Variants in ROBO1 observed in about 807,000 individuals in gnomAD.
ROBO1 encodes the protein roundabout guidance receptor 1.
Under a neutral mutation model 195.9 loss-of-function variants are expected in ROBO1, and 149 were observed. The observed-to-expected ratio is 0.76, with a 90% CI of 0.67 to 0.87. The LOEUF is 0.87. Ranked by LOEUF, ROBO1 falls within the 40% of genes least tolerant of loss-of-function variation. The probability of loss-of-function intolerance (pLI) is 0.00; values close to 1 mark genes in which losing one functional copy is unlikely to be tolerated. For synonymous variants in ROBO1, 816 were observed against 733.2 expected, an observed-to-expected ratio of 1.11 and a Z score of -1.82; for missense variants, 1,933 against 2,068.3, an observed-to-expected ratio of 0.93 and a Z score of 1.27.
At chr3:79,052,695 G>A (rs2078725332) in intron 3 of ROBO1, among the ~76,000 whole-genome samples, 1 of 152,024 alleles carries the variant, frequency 6.6e-6, no homozygotes, top group Admixed American at 6.6e-5. Context: ...AACACTTAGG[G>A]AAAATAGAAA....
chr3:79,280,303 A>T (rs925356228), intron 2 of ROBO1, among the ~76,000 whole-genome samples: 6 of 152,198 alleles, frequency 3.9e-5, no homozygotes, highest in Non-Finnish European at 8.8e-5. Context: ...TTTGATCACT[A>T]TACATTATAT....
intron 3 of ROBO1, among the ~76,000 whole-genome samples, chr3:79,101,612 G>C (rs1414571802): frequency 6.6e-6 from 1 of 151,720 alleles, no homozygotes. Flanking sequence ...TTTTACTCTT[G>C]GCAGAGCTCT....
At chr3:78,926,366 G>C (rs988126944) in intron 4 of ROBO1, among the ~76,000 whole-genome samples, 2 of 152,102 alleles carry the variant, frequency 1.3e-5, no homozygotes, top group African/African-American at 4.8e-5. Context: ...AGAAATAATG[G>C]TGATTCTGAT....
chr3:79,599,519 C>T (rs1944277067), intron 1 of ROBO1, among the ~76,000 whole-genome samples: 1 of 151,850 alleles, frequency 6.6e-6, no homozygotes, highest in Non-Finnish European at 1.5e-5. Flanking sequence ...ATCCACAGGG[C>T]ATGATGAAGA....
At chr3:79,199,604 ATT>A (rs113303436) in intron 2 of ROBO1, among the ~76,000 whole-genome samples, 3 of 148,148 alleles carry the variant, frequency 2.0e-5, no homozygotes, top group African/African-American at 7.4e-5. Context: ...CCCAATTACC[ATT>A]TTTTTTTTGT....
At chr3:78,974,349 A>G (rs542533433) in intron 3 of ROBO1, among the ~76,000 whole-genome samples, 1 of 152,172 alleles carries the variant, frequency 6.6e-6, no homozygotes, top group African/African-American at 2.4e-5. Flanking sequence ...GAAGAAGAAA[A>G]AAAAGGACAC....
At chr3:79,064,283 A>G (rs2078969395) in intron 3 of ROBO1, among the ~76,000 whole-genome samples, 1 of 151,930 alleles carries the variant, frequency 6.6e-6, no homozygotes, top group African/African-American at 2.4e-5. Context: ...TCAGTATTCC[A>G]CAGAGATTTT....
chr3:79,748,997 A>G (rs185847062), intron 1 of ROBO1, among the ~76,000 whole-genome samples: 113 of 152,316 alleles, frequency 7.4e-4, no homozygotes, highest in Non-Finnish European at 1.5e-3. Context: ...GGAAACAGGC[A>G]GAAGTTGGAA....
intron 3 of ROBO1, among the ~76,000 whole-genome samples, chr3:79,050,954 G>A (rs1337531957): frequency 6.6e-6 from 1 of 152,110 alleles, no homozygotes; most frequent in Non-Finnish European, 1.5e-5. Context: ...ATAACAGAAA[G>A]CAGGAAAGAT....
chr3:78,922,011 T>C lies in ROBO1; in HGVS notation c.499+16590A>G, dbSNP rs77761863. Among the ~76,000 whole-genome samples the C allele has an allele frequency of 1.2e-4, 19 of 152,144 alleles. No individual in the cohort carries two copies. The East Asian group carries it at 3.1e-3, about 25-fold the overall frequency. On this transcript the variant is annotated intron_variant, in intron 4 of 30. Coordinates refer to ENST00000464233, the MANE Select transcript of ROBO1 (RefSeq NM_002941.4). The stretch of plus-strand genomic sequence containing the variant: ...TATTAATAAGAGAAAATTTCTCTTA[T>C]TTAGTAGATCATGAGGTCTGCCCAC...
At chr3:79,124,747 C>T (rs1576705061) in intron 3 of ROBO1, among the ~76,000 whole-genome samples, 1 of 152,258 alleles carries the variant, frequency 6.6e-6, no homozygotes, top group Non-Finnish European at 1.5e-5. Context: ...ATTCCTTCTC[C>T]TTACCTAAAG....
intron 2 of ROBO1, among the ~76,000 whole-genome samples, chr3:79,251,105 T>C (rs2082720712): frequency 6.6e-6 from 1 of 152,164 alleles, no homozygotes; most frequent in South Asian, 2.1e-4. Flanking sequence ...TTCATATCAA[T>C]ATGAATGTCT....
chr3:79,127,149 C>T (rs1012917975), intron 2 of ROBO1, among the ~76,000 whole-genome samples: 3 of 152,078 alleles, frequency 2.0e-5, no homozygotes, highest in Non-Finnish European at 4.4e-5. Flanking sequence ...GCAGAAAAAG[C>T]GTCCACTTTA....
At chr3:79,102,369 C>G (rs1479012882) in intron 3 of ROBO1, among the ~76,000 whole-genome samples, 1 of 151,656 alleles carries the variant, frequency 6.6e-6, no homozygotes, top group Non-Finnish European at 1.5e-5. Flanking sequence ...TAACAAGAGG[C>G]CAAACCATCA....
intron 8 of ROBO1, among the ~76,000 whole-genome samples, chr3:78,710,220 C>A (rs1221035825): frequency 1.3e-5 from 2 of 152,066 alleles, no homozygotes; most frequent in African/African-American, 4.8e-5. Context: ...CAGGTGCACA[C>A]CAACATGTAC....
At chr3:79,550,197 A>AAAGAAAGG (rs142251104) in intron 2 of ROBO1, among the ~76,000 whole-genome samples, 4 of 19,326 alleles carry the variant, frequency 2.1e-4, no homozygotes, top group African/African-American at 5.7e-4. Context: ...GAAAGAAAGG[A>AAAGAAAGG]AAAGAAAAGA....
chr3:78,974,429 G>A (rs2076841168), intron 3 of ROBO1, among the ~76,000 whole-genome samples: 1 of 152,082 alleles, frequency 6.6e-6, no homozygotes. Flanking sequence ...GGATTCTTTA[G>A]ACAGATGGTG....
intron 4 of ROBO1, among the ~76,000 whole-genome samples, chr3:78,806,200 C>T (rs2084533937): frequency 6.6e-6 from 1 of 151,938 alleles, no homozygotes; most frequent in Admixed American, 6.6e-5. Flanking sequence ...CCTTAAATTC[C>T]TGGCCTTCAG....
intron 3 of ROBO1, among the ~76,000 whole-genome samples, chr3:79,062,558 T>C (rs899556978): frequency 3.3e-5 from 5 of 152,178 alleles, no homozygotes; most frequent in Admixed American, 1.3e-4. Context: ...CATATGTTTA[T>C]TGCGGCATTA....
Sources: allele counts gnomAD v4.1 joint callset (sites outside exome capture counted in the v4.1 genomes callset), GRCh38; gene constraint gnomAD v4.1.1; transcripts MANE v1.5; gene names NCBI Gene and HGNC (gene_info 2026-07-23, HGNC 2026-07-21).